PRKG1: variants seen among roughly 807,000 people sequenced by gnomAD.
PRKG1 encodes protein kinase cGMP-dependent 1.
Under a neutral mutation model 88.1 loss-of-function variants are expected in PRKG1, and 35 were observed. The ratio of observed to expected loss-of-function variants is 0.40; its 90% CI spans 0.30 to 0.53. The LOEUF (loss-of-function observed/expected upper bound fraction) is 0.53. PRKG1 is among the 20% of genes least tolerant of loss of function. PRKG1 has a pLI of 0.59. For missense variants in PRKG1, 540 were observed against 839.8 expected, an observed-to-expected ratio of 0.64 and a Z score of 4.41; for synonymous variants, 303 against 292.5, an observed-to-expected ratio of 1.04 and a Z score of -0.37.
chr10:52,028,131 A>T (rs1170127325), intron 5 of PRKG1, among the ~76,000 whole-genome samples: 1 of 149,670 alleles, frequency 6.7e-6, no homozygotes, highest in Admixed American at 6.7e-5. Flanking sequence ...CATAGTTTGT[A>T]TTTTTTTTTC....
intron 5 of PRKG1, among the ~76,000 whole-genome samples, chr10:52,006,658 A>G (rs1357679023): frequency 6.6e-6 from 1 of 152,196 alleles, no homozygotes; most frequent in Non-Finnish European, 1.5e-5. Context: ...TGATTCACTG[A>G]TGTCCCTGAA....
intron 5 of PRKG1, among the ~76,000 whole-genome samples, chr10:51,934,494 C>A (rs973705281): frequency 6.6e-6 from 1 of 152,164 alleles, no homozygotes; most frequent in Non-Finnish European, 1.5e-5. Context: ...CAGTAACCAA[C>A]GATCCCCAAA....
At chr10:51,104,698 T>TTTTA (rs35238475) in intron 1 of PRKG1, among the ~76,000 whole-genome samples, 60,215 of 135,960 alleles carry the variant, frequency 0.44, 13,991 homozygotes, top group South Asian at 0.55. Context: ...TTTATTTTTA[T>TTTTA]TTTATTTATT....
intron 1 of PRKG1, among the ~76,000 whole-genome samples, chr10:51,039,579 T>G (rs538468599): frequency 7.2e-5 from 11 of 151,976 alleles, no homozygotes; most frequent in South Asian, 2.1e-4. Flanking sequence ...GGAGAAGTTT[T>G]TGTGTGTGTG....
At chr10:52,156,825 T>G (rs1838119775) in intron 8 of PRKG1, among the ~76,000 whole-genome samples, 1 of 151,766 alleles carries the variant, frequency 6.6e-6, no homozygotes, top group African/African-American at 2.4e-5. Context: ...TTTGGAACAC[T>G]AACTTTCTAC....
intron 2 of PRKG1, among the ~76,000 whole-genome samples, chr10:51,201,128 A>G (rs1055996634): frequency 6.6e-5 from 10 of 152,198 alleles, no homozygotes; most frequent in Admixed American, 2.6e-4. Flanking sequence ...GAATTAATTT[A>G]AAACTAAGTG....
At chr10:51,231,751 G>A (rs1304270274) in intron 2 of PRKG1, among the ~76,000 whole-genome samples, 2 of 150,014 alleles carry the variant, frequency 1.3e-5, no homozygotes, top group Non-Finnish European at 1.5e-5. Context: ...TAGATGTGAC[G>A]TTTTCTGGAG....
chr10:51,119,731 C>A (rs546990248), intron 1 of PRKG1, among the ~76,000 whole-genome samples: 1 of 152,044 alleles, frequency 6.6e-6, no homozygotes, highest in East Asian at 1.9e-4. Flanking sequence ...ACAGTATGAT[C>A]ATGTTGATAT....
chr10:51,940,659 C>G (rs752186078), intron 5 of PRKG1, among the ~76,000 whole-genome samples: 2 of 151,822 alleles, frequency 1.3e-5, no homozygotes, highest in African/African-American at 4.8e-5. Context: ...GCAAGTCCTG[C>G]CAGGCCATTC....
chr10:51,798,253 A>G (rs1839070484), intron 3 of PRKG1, among the ~76,000 whole-genome samples: 1 of 152,052 alleles, frequency 6.6e-6, no homozygotes, highest in South Asian at 2.1e-4. Flanking sequence ...GCACCATCTT[A>G]TATTCCTACC....
rs544858314 is a variant in PRKG1 at position 51,108,993 on chromosome 10, T to A, written c.311+34092T>A. Among the ~76,000 whole-genome samples, 7 of 152,094 alleles carry A rather than the reference T, an allele frequency of 4.6e-5. 1 individual carries two copies. Among genetic ancestry groups the A allele is most frequent in the African/African-American group, 1.7e-4 (7 of 41,484 alleles). On this transcript the variant is annotated intron_variant, in intron 1 of 17. Transcript: ENST00000373980. ...AAATTGAAATATATCTCTTACAATA[T>A]CATAAAAATATAAAACACTTAGTGA...
chr10:51,710,084 G>A (rs1841706759), intron 3 of PRKG1, among the ~76,000 whole-genome samples: 1 of 152,152 alleles, frequency 6.6e-6, no homozygotes, highest in Non-Finnish European at 1.5e-5. Context: ...GAACGAAAAT[G>A]TGACTTCTCT....
Position 51,486,251 on chromosome 10 carries a change from C to T in PRKG1, c.592+18415C>T, listed in dbSNP as rs983302691. On this transcript the variant is annotated intron_variant, in intron 3 of 17. Transcript: ENST00000373980. ...CACTGATACCTCTCCATCCCCCTTT[C>T]CCCCATCCCCTGACAACTACCATTC... is the stretch of plus-strand genomic sequence containing the variant. Among the ~76,000 whole-genome samples the T allele has an allele frequency of 2.0e-5, 3 of 152,060 alleles. No individual in the cohort carries two copies. The East Asian group carries it at 5.8e-4, about 29-fold the overall frequency.
intron 3 of PRKG1, among the ~76,000 whole-genome samples, chr10:51,720,615 C>T (rs190798052): frequency 2.0e-5 from 3 of 152,260 alleles, no homozygotes; most frequent in South Asian, 2.1e-4. Context: ...AAAAGGAGCA[C>T]TGTGCATACT....
At chr10:52,002,873 AT>A (rs1028176776) in intron 5 of PRKG1, among the ~76,000 whole-genome samples, 9 of 151,916 alleles carry the variant, frequency 5.9e-5, no homozygotes, top group South Asian at 2.1e-4. Context: ...CAATTAAAAT[AT>A]TTTTTTTTCT....
At chr10:52,060,635 A>T (rs1846215080) in intron 6 of PRKG1, among the ~76,000 whole-genome samples, 1 of 151,934 alleles carries the variant, frequency 6.6e-6, no homozygotes, top group South Asian at 2.1e-4. Flanking sequence ...CTGGAAAAAA[A>T]TCAGTCTGAC....
At chr10:51,054,575 A>AG (rs1439869202) in intron 1 of PRKG1, among the ~76,000 whole-genome samples, 5 of 152,150 alleles carry the variant, frequency 3.3e-5, no homozygotes, top group African/African-American at 1.2e-4. Context: ...TTATAACCTT[A>AG]GGGGGGTCAA....
chr10:51,567,654 T>G (rs959631007), intron 3 of PRKG1, among the ~76,000 whole-genome samples: 4 of 152,098 alleles, frequency 2.6e-5, no homozygotes, highest in Non-Finnish European at 4.4e-5. Flanking sequence ...TGAGTTGATC[T>G]CGGCTCACTG....
intron 3 of PRKG1, among the ~76,000 whole-genome samples, chr10:51,729,576 G>A (rs958709055): frequency 1.6e-4 from 24 of 151,496 alleles, no homozygotes; most frequent in African/African-American, 5.3e-4. Flanking sequence ...GCATAGTGGC[G>A]GGCACCTGTA....
Sources: allele counts gnomAD v4.1 joint callset (sites outside exome capture counted in the v4.1 genomes callset), GRCh38; gene constraint gnomAD v4.1.1; transcripts MANE v1.5; gene names NCBI Gene and HGNC (gene_info 2026-07-23, HGNC 2026-07-21).